The following PHAF1 variants were observed in gnomAD, a reference collection of about 807,000 sequenced individuals.
PHAF1 encodes the protein phagophore assembly factor 1, also known as phagosome assembly factor 1.
Under a neutral mutation model 63.1 loss-of-function variants are expected in PHAF1, and 23 were observed. The ratio of observed to expected loss-of-function variants is 0.36; its 90% CI spans 0.26 to 0.52. The LOEUF is 0.52. Ranked by LOEUF, PHAF1 falls within the 20% of genes least tolerant of loss-of-function variation. The probability of loss-of-function intolerance (pLI) is 0.93; values close to 1 mark genes in which losing one functional copy is unlikely to be tolerated. For synonymous variants in PHAF1, 167 were observed against 185.0 expected, an observed-to-expected ratio of 0.90 and a Z score of 0.79; for missense variants, 427 against 517.2, an observed-to-expected ratio of 0.83 and a Z score of 1.69.
chr16:67,145,710 TG>T (rs1228790191), intron 14 of PHAF1, 82 bp downstream of exon 14: 13 of 1,450,152 alleles, frequency 9.0e-6, no homozygotes, highest in Non-Finnish European at 1.1e-5. Context: ...GCACAGTGGA[TG>T]TTGCTTAAAA....
At chr16:67,134,919 T>C in intron 8 of PHAF1, 1 of 344,872 alleles carries the variant, frequency 2.9e-6, no homozygotes, top group Admixed American at 4.0e-5. Flanking sequence ...GCCACATAGT[T>C]GGTAGAAGAC....
At chr16:67,144,431 C>A in intron 11 of PHAF1, 55 bp downstream of exon 11, 1 of 1,322,762 alleles carries the variant, frequency 7.6e-7, no homozygotes, top group South Asian at 1.2e-5. Context: ...GGCTGAAAAC[C>A]CCAGGAAAGA....
At position 67,132,806 on chromosome 16, in the gene PHAF1, A is replaced by T. The variant is rs755620331; in HGVS notation, c.356-11A>T. On this transcript the variant is annotated splice_polypyrimidine_tract_variant and intron_variant, in intron 5 of 15. Transcript: ENST00000219139. The stretch of plus-strand genomic sequence containing the variant: ...CAACCATGTTATTTTCTTCTCCCCC[A>T]CCCCCAACAGTGTACAACTCCGCTG... 1.1e-5 allele frequency: 18 copies of T among 1,598,268 alleles called. No homozygotes were observed. Among genetic ancestry groups the T allele is most frequent in the Non-Finnish European group, 1.5e-5 (17 of 1,165,940 alleles).
intron 8 of PHAF1, chr16:67,134,867 T>G (rs1963554608): frequency 2.7e-6 from 1 of 364,032 alleles, no homozygotes; most frequent in Admixed American, 3.8e-5. Flanking sequence ...GGTTAGGATT[T>G]CAACATATGA....
chr16:67,140,661 T>C lies in PHAF1; in HGVS notation c.879+67T>C, dbSNP rs1056717472. ...GGTGGGCAGTGCATCTTTGCAGATC[T>C]GTGTGTCCACATGCAGCTGGAACCA... On this transcript the variant is annotated intron_variant, in intron 10 of 15. Coordinates refer to ENST00000219139, the MANE Select transcript of PHAF1 (RefSeq NM_025187.5). 39 of 1,199,558 alleles carry C rather than the reference T, an allele frequency of 3.3e-5. No individual in the cohort carries two copies. In the African/African-American group the frequency reaches 4.8e-4, roughly 15 times the overall value. The allele number at this position is 1,199,558 out of a possible 1,614,324, so 74.3% of individuals were successfully genotyped here.
Position 67,140,578 on chromosome 16 carries a change from A to G in PHAF1, c.863A>G (p.Tyr288Cys). 6.3e-7 allele frequency: 1 copy of G among 1,593,972 alleles called. No homozygotes were observed. The highest frequency in any genetic ancestry group is 2.2e-5 in the East Asian group (1 of 44,784). Residue 288 changes from tyrosine to cysteine, a missense_variant, in exon 10 of 16, where the codon TAC becomes TGC. Physicochemically the swap from Tyr to Cys is radical, Grantham distance 194. Transcript: ENST00000219139. ...PSKCNDYFFNYFTLGVDILFD... is the reference protein window; with the variant it reads ...PSKCNDYFFNCFTLGVDILFD... ...AAGTGTAATGACTACTTTTTTAACT[A>G]CTTCACTCTTGGAGTGGTAAGTTGT...
rs773619275 is a variant in PHAF1, at chr16:67,132,905, G to A, written c.444G>A (p.Lys148=). Residue 148 remains lysine (K), a synonymous_variant, in exon 6 of 16, where the codon AAG becomes AAA. Transcript: ENST00000219139. The part of the protein sequence containing the change: ...FQLDSWTEAP[K]YEPNFAHGLA... ...TAGACTCATGGACTGAGGCTCCAAA[G>A]TATGAGGTTAGCCCTTCCTGTCCCC... The A allele has an allele frequency of 2.5e-6, 4 of 1,606,848 alleles. No individual in the cohort carries two copies. The highest frequency in any genetic ancestry group is 3.4e-6 in the Non-Finnish European group (4 of 1,173,514).
At chr16:67,140,165 A>G in intron 9 of PHAF1, 48 bp downstream of exon 9, 1 of 1,583,328 alleles carries the variant, frequency 6.3e-7, no homozygotes, top group Non-Finnish European at 8.6e-7. Flanking sequence ...ATCAACACTA[A>G]TTTAATATTG....
At chr16:67,126,997 T>A (rs1386798883) in intron 3 of PHAF1, among the ~76,000 whole-genome samples, 1 of 151,626 alleles carries the variant, frequency 6.6e-6, no homozygotes, top group East Asian at 1.9e-4. Context: ...TAAGCAATTC[T>A]CCTGCCTCAG....
At chr16:67,145,302 G>T (rs1053896132) in intron 12 of PHAF1, 74 bp from the exon 13 acceptor site, 3 of 1,543,934 alleles carry the variant, frequency 1.9e-6, no homozygotes, top group East Asian at 4.6e-5. Context: ...CACCAGGTCT[G>T]GTTCCTACCT....
intron 3 of PHAF1, among the ~76,000 whole-genome samples, chr16:67,126,594 G>GTTTTT (rs201265915): frequency 6.9e-6 from 1 of 144,274 alleles, no homozygotes; most frequent in Non-Finnish European, 1.5e-5. Flanking sequence ...TTTTGTTTTT[G>GTTTTT]GTTTTTTTTT....
chr16:67,139,075 C>T (rs531764158), intron 8 of PHAF1, among the ~76,000 whole-genome samples: 5 of 151,720 alleles, frequency 3.3e-5, no homozygotes, highest in African/African-American at 9.7e-5. Flanking sequence ...TGTGCCACCA[C>T]GCCTGGCTAA....
At chr16:67,114,564 A>AAG (rs201769037) in intron 1 of PHAF1, among the ~76,000 whole-genome samples, 32 of 137,004 alleles carry the variant, frequency 2.3e-4, no homozygotes, top group African/African-American at 7.5e-4. Context: ...ATGAAAGAAG[A>AAG]AAAAAAAAAA....
In PHAF1 at chr16:67,144,302, C is replaced by T; in HGVS notation, c.888C>T (p.Leu296=). 1.9e-6 allele frequency: 3 copies of T among 1,610,626 alleles called. No individual in the cohort carries two copies. The highest frequency in any genetic ancestry group is 2.5e-6 in the Non-Finnish European group (3 of 1,176,838). Residue 296 remains leucine (L), a synonymous_variant, in exon 11 of 16, where the codon CTC becomes CTT. Coordinates refer to ENST00000219139, the MANE Select transcript of PHAF1 (RefSeq NM_025187.5). ...FNYFTLGVDI[L]FDANTHKVKK... Reference sequence around the variant, plus strand: ...CTTGTTTTCTATCCCAGGACATCCTCTTTGATGCGAATACACACAAAGTGA... The same window carrying T: ...CTTGTTTTCTATCCCAGGACATCCTTTTTGATGCGAATACACACAAAGTGA...
chr16:67,146,674 G>A (rs1018911883), intron 15 of PHAF1, among the ~76,000 whole-genome samples: 4 of 152,238 alleles, frequency 2.6e-5, no homozygotes, highest in African/African-American at 4.8e-5. Context: ...GCCCAGCAGA[G>A]GGTGTTGGGG....
At position 67,134,448 on chromosome 16, in the gene PHAF1, A is replaced by T. The variant is rs1189322717; in HGVS notation, c.642A>T (p.Arg214=). 3 of 1,612,514 alleles carry T rather than the reference A, an allele frequency of 1.9e-6. No homozygotes were observed. Among genetic ancestry groups the T allele is most frequent in the Admixed American group, 1.7e-5 (1 of 59,992 alleles). Residue 214 remains arginine, a synonymous_variant, in exon 8 of 16, where the codon CGA becomes CGT. Transcript: ENST00000219139. ...ATGGAACTGGACCTGCAGGTTTACG[A>T]CTTCGCCTACTTGCTGCAGGTCAGT... ...LRDGTGPAGL[R]LRLLAAGCGP... is the part of the protein sequence containing the mutation.
At chr16:67,114,566 A>AAG (rs1962662022) in intron 1 of PHAF1, among the ~76,000 whole-genome samples, 2 of 148,876 alleles carry the variant, frequency 1.3e-5, no homozygotes, top group African/African-American at 4.9e-5. Flanking sequence ...GAAAGAAGAA[A>AAG]AAAAAAAAAA....
chr16:67,145,854 C>T (rs1851057126), intron 14 of PHAF1, among the ~76,000 whole-genome samples: 1 of 152,194 alleles, frequency 6.6e-6, no homozygotes, highest in South Asian at 2.1e-4. Context: ...TCTCCCAAGC[C>T]TACCTCTAGG....
At chr16:67,118,203 G>C (rs1962823363) in intron 1 of PHAF1, among the ~76,000 whole-genome samples, 1 of 141,086 alleles carries the variant, frequency 7.1e-6, no homozygotes. Context: ...TCGATCTCCT[G>C]ACCTCGTGAT....
Sources: allele counts gnomAD v4.1 joint callset (sites outside exome capture counted in the v4.1 genomes callset), GRCh38; gene constraint gnomAD v4.1.1; transcripts MANE v1.5; gene names NCBI Gene and HGNC (gene_info 2026-07-23, HGNC 2026-07-21).